SYCP2L: variants seen among roughly 807,000 people sequenced by gnomAD.
SYCP2L encodes synaptonemal complex protein 2 like.
Under a neutral mutation model 125.8 loss-of-function variants are expected in SYCP2L, and 98 were observed. The ratio of observed to expected loss-of-function variants is 0.78; its 90% CI spans 0.66 to 0.92. SYCP2L has a LOEUF of 0.92. Among genes scored for constraint, SYCP2L ranks in the 40% least tolerant of loss-of-function variants. SYCP2L has a pLI of 0.00. For synonymous variants in SYCP2L, 317 were observed against 325.4 expected (o/e 0.97, Z 0.28); for missense variants, 842 against 936.4 (o/e 0.90, Z 1.32).
chr6:10,936,139 G>A (rs192094829), intron 21 of SYCP2L, among the ~76,000 whole-genome samples: 1 of 151,948 alleles, frequency 6.6e-6, no homozygotes, highest in African/African-American at 2.4e-5. Flanking sequence ...ATCTGTTAGT[G>A]TAGCTGCCAC....
At chr6:10,895,408 G>A (rs1020036292) in intron 4 of SYCP2L, among the ~76,000 whole-genome samples, 2 of 152,110 alleles carry the variant, frequency 1.3e-5, no homozygotes, top group Admixed American at 6.6e-5. Flanking sequence ...GGGTCGGGTC[G>A]TACAATCTAA....
At chr6:10,924,941 A>G (rs1457383997) in intron 15 of SYCP2L, among the ~76,000 whole-genome samples, 1 of 152,216 alleles carries the variant, frequency 6.6e-6, no homozygotes, top group Non-Finnish European at 1.5e-5. Flanking sequence ...TTCTTCCTGG[A>G]GTCCTGAGGA....
chr6:10,923,331 C>T (rs1458762862), intron 14 of SYCP2L, among the ~76,000 whole-genome samples: 1 of 150,232 alleles, frequency 6.7e-6, no homozygotes, highest in Admixed American at 6.7e-5. Context: ...CAGGAAAGGG[C>T]TGGTGACCTG....
chr6:10,944,159 C>T (rs1373375199), intron 23 of SYCP2L, among the ~76,000 whole-genome samples: 1 of 152,194 alleles, frequency 6.6e-6, no homozygotes, highest in Non-Finnish European at 1.5e-5. Flanking sequence ...TACTTTTCCA[C>T]CAGCCGTATA....
At chr6:10,968,621 CTGAGGA>C (rs1417570616) in intron 29 of SYCP2L, among the ~76,000 whole-genome samples, 1 of 152,102 alleles carries the variant, frequency 6.6e-6, no homozygotes, top group African/African-American at 2.4e-5. Context: ...CCAGAAGAGG[CTGAGGA>C]TATTTGTTTG....
chr6:10,973,270 C>T (rs772120026), intron 29 of SYCP2L, among the ~76,000 whole-genome samples: 16 of 152,098 alleles, frequency 1.1e-4, no homozygotes, highest in Non-Finnish European at 1.3e-4. Flanking sequence ...TGGTGGCTCA[C>T]GCCTGTAATC....
Position 10,912,646 on chromosome 6 carries a change from A to G in SYCP2L, c.919-27A>G. ...CCTATAGCATGATTTTTATGTGTAT[A>G]AGTCATGCTGAAATGATCTCTTACA... On this transcript the variant is annotated intron_variant, in intron 12 of 29. Coordinates refer to ENST00000283141, the MANE Select transcript of SYCP2L (RefSeq NM_001040274.3). The surrounding 1 kb of genome is among the most constrained non-coding windows in gnomAD (Gnocchi z 4.1). 1 of 1,531,950 alleles carries G rather than the reference A, an allele frequency of 6.5e-7. No homozygotes were observed. Among genetic ancestry groups the G allele is most frequent in the South Asian group, 1.1e-5 (1 of 88,728 alleles). The allele number at this position is 1,531,950 out of a possible 1,614,324, so 94.9% of individuals were successfully genotyped here.
intron 2 of SYCP2L, among the ~76,000 whole-genome samples, chr6:10,893,640 G>A (rs1021416961): frequency 6.6e-6 from 1 of 152,128 alleles, no homozygotes; most frequent in East Asian, 1.9e-4. Context: ...TGATGCCAGC[G>A]CTGTTGGTGG....
intron 14 of SYCP2L, chr6:10,922,830 A>G (rs978823269): frequency 2.8e-4 from 43 of 152,300 alleles, no homozygotes; most frequent in African/African-American, 9.4e-4. Context: ...TAGTAGTCAC[A>G]TTAAAGAAAA....
intron 15 of SYCP2L, among the ~76,000 whole-genome samples, chr6:10,926,079 C>T (rs540420325): frequency 4.6e-5 from 7 of 152,068 alleles, no homozygotes; most frequent in Admixed American, 1.3e-4. Flanking sequence ...AAGACCTGGG[C>T]CAGAGACAGG....
rs1581810922 is a variant in SYCP2L at position 10,887,054 on chromosome 6, G to T, written c.-73G>T. ...CCCAGCGGGCGGGGCTCTTGGGCGG[G>T]GAAGCAGGAGAGGGCCGACCGAGCG... On this transcript the variant is annotated 5_prime_UTR_variant, in exon 1 of 30. Coordinates refer to ENST00000283141, the MANE Select transcript of SYCP2L (RefSeq NM_001040274.3). The T allele has an allele frequency of 6.2e-7, 1 of 1,605,806 alleles. No individual in the cohort carries two copies. The highest frequency in any genetic ancestry group is 8.5e-7 in the Non-Finnish European group (1 of 1,174,268).
intron 14 of SYCP2L, chr6:10,922,647 C>A (rs1047357837): frequency 6.6e-6 from 1 of 151,912 alleles, no homozygotes; most frequent in African/African-American, 2.4e-5. Context: ...TAGCTAGTTA[C>A]TTTTTAAGAT....
At chr6:10,887,208 G>A (rs1780087941) in intron 1 of SYCP2L, 73 bp downstream of exon 1, 3 of 1,600,792 alleles carry the variant, frequency 1.9e-6, no homozygotes, top group Admixed American at 1.7e-5. Context: ...GGTCCCTGGG[G>A]CTCAGGTTCT....
At chr6:10,891,617 GTGT>G in intron 2 of SYCP2L, 36 bp downstream of exon 2, 1 of 20,326 alleles carries the variant, frequency 4.9e-5, no homozygotes. Context: ...CTCTCTCTGT[GTGT>G]GTGTGTGTGT....
intron 14 of SYCP2L, among the ~76,000 whole-genome samples, chr6:10,915,841 A>T (rs1780684012): frequency 2.6e-5 from 4 of 152,174 alleles, no homozygotes; most frequent in Non-Finnish European, 5.9e-5. Flanking sequence ...TCATAGAATG[A>T]TTTAGGGAGG....
chr6:10,928,574 ATTTT>A (rs1326657891), intron 18 of SYCP2L, 124 bp downstream of exon 18: 2 of 1,362,262 alleles, frequency 1.5e-6, no homozygotes, highest in Admixed American at 5.8e-5. Flanking sequence ...ATTTAAAAAA[ATTTT>A]TTTAAGACAA....
intron 23 of SYCP2L, among the ~76,000 whole-genome samples, chr6:10,946,678 A>G (rs1009721406): frequency 6.6e-6 from 1 of 152,078 alleles, no homozygotes; most frequent in African/African-American, 2.4e-5. Context: ...ATTCTTCCTG[A>G]TGAAAATTTA....
intron 29 of SYCP2L, among the ~76,000 whole-genome samples, chr6:10,973,193 C>T (rs1781804400): frequency 6.6e-6 from 1 of 152,184 alleles, no homozygotes; most frequent in African/African-American, 2.4e-5. Flanking sequence ...AATCTGTTCC[C>T]TCAGTTGATA....
At position 10,926,781 on chromosome 6, in the gene SYCP2L, C is replaced by CTT. The variant is rs774954530; in HGVS notation, c.1312+364_1312+365dup. ...TCCCAAGTGCCCATAGATTTCTTTTCTTTTTTTTTTTTTTTTGAGATGGAG... is the reference window on the plus strand; with the variant it reads ...TCCCAAGTGCCCATAGATTTCTTTTCTTTTTTTTTTTTTTTTTTGAGATGGAG... On this transcript the variant is annotated intron_variant, in intron 16 of 29. Coordinates refer to ENST00000283141, the MANE Select transcript of SYCP2L (RefSeq NM_001040274.3). Among the ~76,000 whole-genome samples, 1,137 of 136,396 alleles carry CTT rather than the reference C, an allele frequency of 8.3e-3. 16 individuals carry two copies. Among genetic ancestry groups the CTT allele is most frequent in the African/African-American group, 0.014 (509 of 37,072 alleles). 89.5% of individuals were successfully genotyped at this position (136,396 alleles called of 152,430 possible).
Sources: gnomAD v4.1 joint callset for allele counts (sites outside exome capture counted in the v4.1 genomes callset) on GRCh38, gnomAD v4.1.1 for gene constraint, Gnocchi (gnomAD v3.1) non-coding constraint, MANE v1.5 for transcripts, NCBI Gene and HGNC (gene_info 2026-07-23, HGNC 2026-07-21) for gene names.